PTPRG: variants seen among roughly 807,000 people sequenced by gnomAD.
The protein encoded by PTPRG is receptor-type tyrosine-protein phosphatase gamma.
Under a neutral mutation model 165.3 loss-of-function variants are expected in PTPRG, and 102 were observed. The ratio of observed to expected loss-of-function variants is 0.62; its 90% CI spans 0.53 to 0.73. PTPRG has a LOEUF of 0.73. PTPRG is among the 30% of genes least tolerant of loss of function. PTPRG has a pLI of 0.00. For missense variants in PTPRG, 1,866 were observed against 1,861.4 expected (o/e 1.00, Z -0.05); for synonymous variants, 675 against 669.5 (o/e 1.01, Z -0.13).
intron 3 of PTPRG, among the ~76,000 whole-genome samples, chr3:61,994,402 C>G (rs2040970738): frequency 6.6e-6 from 1 of 152,178 alleles, no homozygotes; most frequent in Non-Finnish European, 1.5e-5. Flanking sequence ...ATGCTACTTT[C>G]ATCTTCTCAC....
At chr3:62,078,279 G>T (rs377360147) in intron 5 of PTPRG, 21 bp downstream of exon 5, 3 of 1,469,496 alleles carry the variant, frequency 2.0e-6, no homozygotes, top group South Asian at 1.2e-5. Context: ...AGTGGCTGAA[G>T]TACTTCAAAG....
intron 1 of PTPRG, among the ~76,000 whole-genome samples, chr3:61,613,126 C>T (rs1701219379): frequency 6.6e-6 from 1 of 152,136 alleles, no homozygotes; most frequent in Admixed American, 6.5e-5. Context: ...TAGACTAGGA[C>T]ACTCAAAAGC....
At chr3:62,182,899 C>T (rs1164097911) in intron 8 of PTPRG, among the ~76,000 whole-genome samples, 1 of 152,170 alleles carries the variant, frequency 6.6e-6, no homozygotes, top group Non-Finnish European at 1.5e-5. Context: ...TCGTGATCCA[C>T]CCGCCTCAGC....
intron 5 of PTPRG, among the ~76,000 whole-genome samples, chr3:62,128,829 AT>A (rs146794775): frequency 0.047 from 7,102 of 150,356 alleles, 359 homozygotes; most frequent in African/African-American, 0.14. Context: ...ATGCCCATGA[AT>A]TTTTTTTTAA....
chr3:61,826,814 G>A (rs1414242693), intron 2 of PTPRG, among the ~76,000 whole-genome samples: 3 of 149,060 alleles, frequency 2.0e-5, no homozygotes, highest in Admixed American at 6.7e-5. Flanking sequence ...AATATAAAAC[G>A]TTCTAAAAAT....
At chr3:62,099,974 T>A (rs9861929) in intron 5 of PTPRG, among the ~76,000 whole-genome samples, 5 of 151,778 alleles carry the variant, frequency 3.3e-5, no homozygotes, top group Non-Finnish European at 7.4e-5. Flanking sequence ...AATTTTTGTA[T>A]TTTTAGTAGA....
intron 2 of PTPRG, among the ~76,000 whole-genome samples, chr3:61,935,376 T>C (rs2039460090): frequency 1.3e-5 from 2 of 152,172 alleles, no homozygotes; most frequent in South Asian, 2.1e-4. Flanking sequence ...GACTACAATT[T>C]CTTTCTGTGT....
At chr3:61,827,120 A>G (rs1385907184) in intron 2 of PTPRG, among the ~76,000 whole-genome samples, 2 of 152,162 alleles carry the variant, frequency 1.3e-5, no homozygotes, top group Non-Finnish European at 2.9e-5. Context: ...TCTATCCTCT[A>G]TAGTCAGGGA....
intron 2 of PTPRG, among the ~76,000 whole-genome samples, chr3:61,799,136 A>T (rs908035555): frequency 2.0e-5 from 3 of 152,152 alleles, no homozygotes; most frequent in African/African-American, 7.2e-5. Context: ...TACAGGAATA[A>T]ACTGTCTTTC....
At chr3:62,253,399 T>C (rs1397660480) in intron 15 of PTPRG, among the ~76,000 whole-genome samples, 1 of 152,204 alleles carries the variant, frequency 6.6e-6, no homozygotes, top group East Asian at 1.9e-4. Flanking sequence ...GAAAGTCCTA[T>C]AGTCTACATA....
At chr3:61,804,135 C>A (rs1046435709) in intron 2 of PTPRG, among the ~76,000 whole-genome samples, 1 of 152,170 alleles carries the variant, frequency 6.6e-6, no homozygotes, top group African/African-American at 2.4e-5. Flanking sequence ...CATCTGCAGT[C>A]CTCTCTATTG....
intron 2 of PTPRG, among the ~76,000 whole-genome samples, chr3:61,862,584 G>A (rs1244079222): frequency 1.3e-5 from 2 of 151,884 alleles, no homozygotes; most frequent in Non-Finnish European, 2.9e-5. Context: ...CAATAGAGAC[G>A]GGGTTTCTCC....
At chr3:62,083,363 A>G (rs1701644595) in intron 5 of PTPRG, among the ~76,000 whole-genome samples, 1 of 151,960 alleles carries the variant, frequency 6.6e-6, no homozygotes, top group Admixed American at 6.6e-5. Context: ...TGCCTCCCTA[A>G]GAGCTGGGAT....
rs1189507725 is a variant in PTPRG, at chr3:61,562,079, T to G, written c.-209T>G. 1.6e-5 allele frequency: 9 copies of G among 573,962 alleles called. No individual in the cohort carries two copies. The East Asian group carries it at 2.3e-4, about 15-fold the overall frequency. The allele number at this position is 573,962 out of a possible 1,614,324, so 35.6% of individuals were successfully genotyped here. A position where few individuals can be genotyped will look rare whatever the true frequency, so the allele number is the denominator to read the frequency against. On this transcript the variant is annotated 5_prime_UTR_variant, in exon 1 of 30. Coordinates refer to ENST00000474889, the MANE Select transcript of PTPRG (RefSeq NM_002841.4). ...CCGAGAGGATCGTCCCCAGCGTGGCTCTGCGTTCCCGGTCACTTTTTGAGA... is the reference window on the plus strand; with the variant it reads ...CCGAGAGGATCGTCCCCAGCGTGGCGCTGCGTTCCCGGTCACTTTTTGAGA...
At chr3:61,901,866 T>A (rs2038506635) in intron 2 of PTPRG, among the ~76,000 whole-genome samples, 1 of 152,232 alleles carries the variant, frequency 6.6e-6, no homozygotes, top group African/African-American at 2.4e-5. Flanking sequence ...TATCTGGACC[T>A]TAAAAAAGTA....
At chr3:61,803,401 C>A (rs7629736) in intron 2 of PTPRG, among the ~76,000 whole-genome samples, 11,967 of 137,376 alleles carry the variant, frequency 0.087, 640 homozygotes, top group South Asian at 0.18. Flanking sequence ...GTAAGCCCAT[C>A]CCATTTCTTA....
intron 4 of PTPRG, among the ~76,000 whole-genome samples, chr3:62,019,406 C>T (rs2041629240): frequency 6.6e-6 from 1 of 151,704 alleles, no homozygotes; most frequent in Non-Finnish European, 1.5e-5. Context: ...ATCTGTGGTC[C>T]CAGCTACTTG....
intron 2 of PTPRG, among the ~76,000 whole-genome samples, chr3:61,897,972 T>C (rs1173179217): frequency 1.3e-5 from 2 of 152,194 alleles, no homozygotes; most frequent in Non-Finnish European, 2.9e-5. Flanking sequence ...ATTTTCCATA[T>C]AGACAAGCCT....
intron 2 of PTPRG, among the ~76,000 whole-genome samples, chr3:61,762,228 A>G (rs562150574): frequency 2.6e-4 from 40 of 152,188 alleles, no homozygotes; most frequent in African/African-American, 7.0e-4. Context: ...CCATTTCCTA[A>G]TGAGTTATCT....
Sources: gnomAD v4.1 joint callset for allele counts (sites outside exome capture counted in the v4.1 genomes callset) on GRCh38, gnomAD v4.1.1 for gene constraint, MANE v1.5 for transcripts, NCBI Gene and HGNC (gene_info 2026-07-23, HGNC 2026-07-21) for gene names.